LPIN1: variants seen among roughly 807,000 people sequenced by gnomAD.
The protein encoded by LPIN1 is lipin 1, also known as phosphatidate phosphatase LPIN1.
In LPIN1, 71 loss-of-function variants were observed where a neutral mutation model predicts 107.5. The ratio of observed to expected loss-of-function variants is 0.66; its 90% confidence interval spans 0.55 to 0.80. The LOEUF (loss-of-function observed/expected upper bound fraction) is 0.80. Ranked by LOEUF, LPIN1 falls within the 30% of genes least tolerant of loss-of-function variation. The pLI is 0.00. For synonymous variants in LPIN1, 445 were observed against 452.6 expected (o/e 0.98, Z 0.21); for missense variants, 1,043 against 1,160.6 (o/e 0.90, Z 1.47).
chr2:11,680,093 G>A (rs141852262), intron 1 of LPIN1, among the ~76,000 whole-genome samples: 3 of 152,200 alleles, frequency 2.0e-5, no homozygotes. Context: ...GCAGGCCCCC[G>A]ATGGACTGAC....
At chr2:11,714,146 A>G (rs1265205040) in intron 2 of LPIN1, among the ~76,000 whole-genome samples, 1 of 152,206 alleles carries the variant, frequency 6.6e-6, no homozygotes, top group African/African-American at 2.4e-5. Flanking sequence ...ATTCACACTC[A>G]TGTCATTGGT....
chr2:11,824,348 G>A (rs1248858489), intron 20 of LPIN1, among the ~76,000 whole-genome samples: 1 of 151,242 alleles, frequency 6.6e-6, no homozygotes, highest in African/African-American at 2.4e-5. Flanking sequence ...ACTTCCTCCT[G>A]CCGTCTTTTG....
intron 1 of LPIN1, among the ~76,000 whole-genome samples, chr2:11,694,736 C>T (rs1047972457): frequency 1.4e-4 from 22 of 152,208 alleles, no homozygotes; most frequent in African/African-American, 5.3e-4. Flanking sequence ...ACTCTGGGTT[C>T]TCTTCAGATT....
At chr2:11,809,337 C>T (rs1438395877) in intron 17 of LPIN1, among the ~76,000 whole-genome samples, 1 of 152,136 alleles carries the variant, frequency 6.6e-6, no homozygotes, top group Non-Finnish European at 1.5e-5. Context: ...TCCCGAGGTT[C>T]GTTAGCTCCG....
intron 13 of LPIN1, 79 bp from the exon 14 acceptor site, chr2:11,795,329 A>G: frequency 8.7e-7 from 1 of 1,150,328 alleles, no homozygotes; most frequent in Admixed American, 1.7e-5. Context: ...GCCTTAAGGA[A>G]GCCCATGGGA....
chr2:11,678,148 G>A (rs1009064288), intron 1 of LPIN1, among the ~76,000 whole-genome samples: 1 of 152,150 alleles, frequency 6.6e-6, no homozygotes, highest in Non-Finnish European at 1.5e-5. Context: ...CTCCAATGTG[G>A]TCATTTAACC....
Position 11,798,615 on chromosome 2 carries a change from T to G in LPIN1, c.1886+3128T>G, listed in dbSNP as rs75285102. ...TGGACCATTCGCCATTCTGAGTTAG[T>G]CACAGTATGGTTCCTTATCAAACCT... On this transcript the variant is annotated intron_variant, in intron 14 of 20. Transcript: ENST00000674199. 1.0e-3 allele frequency among the ~76,000 whole-genome samples: 159 copies of G among 152,288 alleles called. 1 individual carries two copies. The East Asian group carries it at 0.029, about 27-fold the overall frequency.
chr2:11,785,590 C>G (rs933090390), intron 10 of LPIN1, among the ~76,000 whole-genome samples: 20 of 152,324 alleles, frequency 1.3e-4, no homozygotes, highest in Non-Finnish European at 2.2e-4. Flanking sequence ...CCACGCCCCC[C>G]AGTGGGTGCA....
upstream of LPIN1, among the ~76,000 whole-genome samples, chr2:11,742,495 T>G (rs1483220773): frequency 6.6e-6 from 1 of 152,168 alleles, no homozygotes; most frequent in Non-Finnish European, 1.5e-5. Flanking sequence ...AGCAAGGTCA[T>G]GGGTCATGGC....
At chr2:11,733,069 C>G (rs1665413460) in intron 1 of LPIN1, among the ~76,000 whole-genome samples, 1 of 152,152 alleles carries the variant, frequency 6.6e-6, no homozygotes, top group Non-Finnish European at 1.5e-5. Context: ...TCTACCTTAA[C>G]AATTCCATTC....
chr2:11,750,295 G>A (rs1667596421), intron 1 of LPIN1, among the ~76,000 whole-genome samples: 1 of 152,136 alleles, frequency 6.6e-6, no homozygotes, highest in African/African-American at 2.4e-5. Flanking sequence ...CAACTGTTCT[G>A]GCAAAACAAT....
chr2:11,774,856 T>G lies in LPIN1; in HGVS notation c.722+1111T>G, dbSNP rs1672409702. ...GCTGAGGCTGAGGCCTGTGACAAAGTCCCTGCATGGAGGTCTTCCTGCGTC... is the reference window on the plus strand; with the variant it reads ...GCTGAGGCTGAGGCCTGTGACAAAGGCCCTGCATGGAGGTCTTCCTGCGTC... On this transcript the variant is annotated intron_variant, in intron 5 of 20. Transcript: ENST00000674199. This position sits in a 1 kb window ranked among gnomAD's most constrained non-coding sequence, Gnocchi z 4.4. Among the ~76,000 whole-genome samples the G allele has an allele frequency of 6.6e-6, 1 of 151,826 alleles. No individual in the cohort carries two copies. The highest frequency in any genetic ancestry group is 2.4e-5 in the African/African-American group (1 of 41,302).
intron 12 of LPIN1, 88 bp from the exon 13 acceptor site, chr2:11,791,826 T>C (rs1437327430): frequency 1.3e-6 from 2 of 1,547,474 alleles, no homozygotes; most frequent in Admixed American, 3.8e-5. Context: ...AATCTTACTT[T>C]AATTTGCATG....
At chr2:11,768,967 C>A (rs111690594) in intron 3 of LPIN1, among the ~76,000 whole-genome samples, 1 of 151,672 alleles carries the variant, frequency 6.6e-6, no homozygotes, top group Non-Finnish European at 1.5e-5. Context: ...CAAAAAAACC[C>A]AAAAAAAACC....
chr2:11,706,065 A>G (rs1330269836), intron 1 of LPIN1, among the ~76,000 whole-genome samples: 4 of 152,204 alleles, frequency 2.6e-5, no homozygotes, highest in Admixed American at 2.0e-4. Flanking sequence ...CATCCACTTA[A>G]GATGTGACTT....
At chr2:11,823,653 CTG>C (rs946953100) in intron 20 of LPIN1, among the ~76,000 whole-genome samples, 9 of 152,190 alleles carry the variant, frequency 5.9e-5, no homozygotes, top group African/African-American at 2.2e-4. Context: ...AAGGAGGAAT[CTG>C]GGGATGGCTG....
upstream of LPIN1, among the ~76,000 whole-genome samples, chr2:11,720,340 A>G (rs1664038525): frequency 6.6e-6 from 1 of 152,212 alleles, no homozygotes; most frequent in South Asian, 2.1e-4. Flanking sequence ...ATTAAGGGCC[A>G]GGCACTGCAC....
intron 2 of LPIN1, among the ~76,000 whole-genome samples, chr2:11,717,242 G>A (rs1209602693): frequency 6.6e-6 from 1 of 152,134 alleles, no homozygotes; most frequent in Non-Finnish European, 1.5e-5. Flanking sequence ...TTTGCACATT[G>A]CCCTGTGGAT....
At chr2:11,760,736 T>C (rs1349504989) in intron 1 of LPIN1, among the ~76,000 whole-genome samples, 3 of 152,082 alleles carry the variant, frequency 2.0e-5, no homozygotes, top group East Asian at 1.9e-4. Context: ...AGGTTTCTGT[T>C]AATGCTGCCC....
Sources: gnomAD v4.1 joint callset for allele counts (sites outside exome capture counted in the v4.1 genomes callset) on GRCh38, gnomAD v4.1.1 for gene constraint, Gnocchi (gnomAD v3.1) non-coding constraint, MANE v1.5 for transcripts, NCBI Gene and HGNC (gene_info 2026-07-23, HGNC 2026-07-21) for gene names.